The following TATDN3 variants were observed in gnomAD, a reference collection of about 807,000 sequenced individuals.
The protein encoded by TATDN3 is deoxyribonuclease TATDN3.
A neutral mutation model predicts 40.1 loss-of-function variants in TATDN3; 29 were observed. The ratio of observed to expected loss-of-function variants is 0.72; its 90% CI spans 0.54 to 0.99. The LOEUF is 0.99. TATDN3 is among the 50% of genes least tolerant of loss of function. TATDN3 has a pLI of 0.00. For synonymous variants in TATDN3, 105 were observed against 117.0 expected, an observed-to-expected ratio of 0.90 and a Z score of 0.66; for missense variants, 309 against 321.9, an observed-to-expected ratio of 0.96 and a Z score of 0.31.
chr1:212,802,614 G>C, intron 4 of TATDN3, 87 bp from the exon 5 acceptor site: 1 of 867,410 alleles, frequency 1.2e-6, no homozygotes, highest in Non-Finnish European at 2.0e-6. Flanking sequence ...AAAGCACCAG[G>C]ATGGCATAGC....
At chr1:212,807,441 C>T (rs1320595319) in intron 7 of TATDN3, among the ~76,000 whole-genome samples, 3 of 151,638 alleles carry the variant, frequency 2.0e-5, no homozygotes, top group South Asian at 2.1e-4. Flanking sequence ...TTTGTAGAGA[C>T]GGGGTTTCAC....
chr1:212,812,678 T>A (rs1211013292), intron 9 of TATDN3, among the ~76,000 whole-genome samples: 1 of 152,152 alleles, frequency 6.6e-6, no homozygotes, highest in East Asian at 1.9e-4. Flanking sequence ...TTTTCATTTA[T>A]AAAATATGGG....
chr1:212,796,924 C>A, intron 3 of TATDN3, 188 bp from the exon 4 acceptor site: 1 of 528,380 alleles, frequency 1.9e-6, no homozygotes, highest in Non-Finnish European at 3.4e-6. Flanking sequence ...TTTGTAGATA[C>A]AGGATTTCAC....
chr1:212,794,862 A>T, intron 1 of TATDN3: 2 of 643,310 alleles, frequency 3.1e-6, no homozygotes, highest in Middle Eastern at 2.5e-4. Context: ...ACAGAGAAAT[A>T]CCCTGTATAT....
Position 212,797,175 on chromosome 1 carries a change from C to T in TATDN3, c.237C>T (p.Asp79=), listed in dbSNP as rs773237934. 1.7e-5 allele frequency: 27 copies of T among 1,613,822 alleles called. No homozygotes were observed. Among genetic ancestry groups the T allele is most frequent in the Non-Finnish European group, 1.9e-5 (23 of 1,179,916 alleles). ...CAGTTCAAGGACTTCCACCAGAAGA[C>T]CAAAGAAGTGTCACACTAAAGGTAA... ...VHPVQGLPPE[D]QRSVTLKDLD... Residue 79 remains aspartate (D), a synonymous_variant, in exon 4 of 10, where the codon GAC becomes GAT. Transcript: ENST00000366974.
intron 4 of TATDN3, among the ~76,000 whole-genome samples, chr1:212,800,667 C>T (rs771310284): frequency 6.6e-6 from 1 of 152,072 alleles, no homozygotes; most frequent in Non-Finnish European, 1.5e-5. Flanking sequence ...TGCCCTCCTT[C>T]CTTCTTTCAT....
At position 212,807,114 on chromosome 1, in the gene TATDN3, T is replaced by G. The variant is rs370184930; in HGVS notation, c.488-622T>G. Among the ~76,000 whole-genome samples the G allele has an allele frequency of 3.0e-4, 46 of 151,550 alleles. No individual in the cohort carries two copies. In the East Asian group the frequency reaches 8.2e-3, roughly 27 times the overall value. On this transcript the variant is annotated intron_variant, in intron 7 of 9. Coordinates refer to ENST00000366974, the MANE Select transcript of TATDN3 (RefSeq NM_001042552.3). ...GCCTGCCACTACGCCCAGCTAATTT[T>G]TTTGTATTTTTAGTAGAGATGGGGT...
intron 9 of TATDN3, among the ~76,000 whole-genome samples, chr1:212,814,406 G>C (rs1418240303): frequency 1.3e-5 from 2 of 152,034 alleles, no homozygotes; most frequent in Non-Finnish European, 2.9e-5. Context: ...AAATCTAAAT[G>C]CTACTGATTG....
At chr1:212,805,487 C>T (rs1662403593) in intron 7 of TATDN3, among the ~76,000 whole-genome samples, 3 of 152,138 alleles carry the variant, frequency 2.0e-5, no homozygotes, top group Admixed American at 2.0e-4. Context: ...AACTCCTGAC[C>T]TCAGGTGATC....
chr1:212,804,575 A>C (rs1238249418), intron 6 of TATDN3, 21 bp from the exon 7 acceptor site: 1 of 1,609,674 alleles, frequency 6.2e-7, no homozygotes, highest in Non-Finnish European at 8.5e-7. Context: ...ACTTAAAAGA[A>C]ATGTTGTTAT....
At chr1:212,806,370 T>C (rs28560008) in intron 7 of TATDN3, among the ~76,000 whole-genome samples, 18,643 of 57,222 alleles carry the variant, frequency 0.33, 1,214 homozygotes, top group East Asian at 0.38. Flanking sequence ...CTCTCTCTCT[T>C]TTTTTTTTTT....
At chr1:212,802,802 G>C (rs762504134) in intron 5 of TATDN3, 39 bp downstream of exon 5, 2 of 1,342,218 alleles carry the variant, frequency 1.5e-6, no homozygotes, top group Admixed American at 3.4e-5. Context: ...TTCTAATTCA[G>C]ACTTCTATAT....
chr1:212,814,984 T>C (rs368526317), intron 9 of TATDN3, 29 bp from the exon 10 acceptor site: 1 of 1,599,188 alleles, frequency 6.3e-7, no homozygotes, highest in African/African-American at 1.3e-5. Flanking sequence ...AGTGTCATGT[T>C]TGACATGGTG....
intron 4 of TATDN3, among the ~76,000 whole-genome samples, chr1:212,798,278 A>G (rs1254930039): frequency 6.6e-6 from 1 of 152,030 alleles, no homozygotes; most frequent in Non-Finnish European, 1.5e-5. Flanking sequence ...GTAAGCTGAG[A>G]TTGCTCCAGT....
rs557521772 is a variant in TATDN3 at position 212,796,349 on chromosome 1, T to G, written c.100-168T>G. On this transcript the variant is annotated intron_variant, in intron 2 of 9. Transcript: ENST00000366974. ...TAAATGAGGCAATATTTATATTCAC[T>G]GAACATAAGGTCTGAAACATAGTAA... 1.5e-3 allele frequency among the ~76,000 whole-genome samples: 222 copies of G among 152,338 alleles called. 1 individual carries two copies. Among genetic ancestry groups the G allele is most frequent in the Middle Eastern group, 3.4e-3 (1 of 294 alleles).
intron 1 of TATDN3, among the ~76,000 whole-genome samples, chr1:212,793,325 G>A (rs1469273672): frequency 6.6e-6 from 1 of 152,046 alleles, no homozygotes; most frequent in East Asian, 1.9e-4. Context: ...AAATTCTCCT[G>A]TCTCAGCCTC....
intron 4 of TATDN3, among the ~76,000 whole-genome samples, chr1:212,799,098 A>T (rs1662007065): frequency 6.6e-6 from 1 of 152,316 alleles, no homozygotes; most frequent in East Asian, 1.9e-4. Context: ...GGTAGGAATA[A>T]GCTCAGTGTA....
chr1:212,803,714 T>C (rs940874858), intron 5 of TATDN3, among the ~76,000 whole-genome samples: 1 of 151,598 alleles, frequency 6.6e-6, no homozygotes, highest in Non-Finnish European at 1.5e-5. Flanking sequence ...AAATACACTG[T>C]GTATTTCAAA....
rs771628190 is a variant in TATDN3, at chr1:212,806,368, C to CTTT, written c.488-1350_488-1348dup. Among the ~76,000 whole-genome samples the CTTT allele has an allele frequency of 3.5e-4, 46 of 132,488 alleles. 1 individual carries two copies. The highest frequency in any genetic ancestry group is 6.9e-4 in the African/African-American group (24 of 34,682). The allele number at this position is 132,488 out of a possible 152,430, so 86.9% of individuals were successfully genotyped here. ...TTTAAAATTGAATATTTCTCTCTCT[C>CTTT]TTTTTTTTTTTTTTTTTTTTGAGAC... On this transcript the variant is annotated intron_variant, in intron 7 of 9. Coordinates refer to ENST00000366974, the MANE Select transcript of TATDN3 (RefSeq NM_001042552.3).
Sources: allele counts gnomAD v4.1 joint callset (sites outside exome capture counted in the v4.1 genomes callset), GRCh38; gene constraint gnomAD v4.1.1; transcripts MANE v1.5; gene names NCBI Gene and HGNC (gene_info 2026-07-23, HGNC 2026-07-21).